Variants in GOLGA4 observed in about 807,000 individuals in gnomAD.
GOLGA4 encodes the protein golgin subfamily A member 4.
Under a neutral mutation model 265.9 loss-of-function variants are expected in GOLGA4, and 169 were observed. The observed-to-expected ratio is 0.64, with a 90% CI of 0.56 to 0.72. The LOEUF (loss-of-function observed/expected upper bound fraction) is 0.72. Among genes scored for constraint, GOLGA4 ranks in the 30% least tolerant of loss-of-function variants. The probability of loss-of-function intolerance (pLI) is 0.00; values close to 1 mark genes in which losing one functional copy is unlikely to be tolerated. For synonymous variants in GOLGA4, 923 were observed against 855.8 expected (o/e 1.08, Z -1.37); for missense variants, 2,482 against 2,483.4 (o/e 1.00, Z 0.01).
chr3:37,273,129 T>C (rs2096803390), intron 2 of GOLGA4, among the ~76,000 whole-genome samples: 1 of 152,358 alleles, frequency 6.6e-6, no homozygotes, highest in Middle Eastern at 3.4e-3. Context: ...CCAAATAATT[T>C]TGAGTATTAT....
intron 18 of GOLGA4, 116 bp from the exon 19 acceptor site, chr3:37,337,550 C>G (rs751990259): frequency 4.3e-6 from 3 of 691,886 alleles, no homozygotes; most frequent in South Asian, 1.7e-5. Context: ...TAGGGGTATT[C>G]AGTGTTATAA....
At chr3:37,303,677 C>G (rs2096898913) in intron 10 of GOLGA4, among the ~76,000 whole-genome samples, 1 of 152,150 alleles carries the variant, frequency 6.6e-6, no homozygotes, top group Non-Finnish European at 1.5e-5. Flanking sequence ...GTGGTTAAAT[C>G]TGTAGGAGAG....
Position 37,282,068 on chromosome 3 carries a change from G to A in GOLGA4, c.273G>A (p.Glu91=). The A allele has an allele frequency of 1.2e-6, 2 of 1,614,102 alleles. No homozygotes were observed. Among genetic ancestry groups the A allele is most frequent in the South Asian group, 1.1e-5 (1 of 91,078 alleles). The stretch of plus-strand genomic sequence containing the variant: ...CTCTATTCCGGTCTTCTTCTAAAGA[G>A]TCTTTGGTACGAACATCTTCCAGAG... The part of the protein sequence containing the change: ...KESLFRSSSK[E]SLVRTSSRES... Residue 91 remains glutamate (E), a synonymous_variant, in exon 3 of 24, where the codon GAG becomes GAA. Transcript: ENST00000361924.
chr3:37,272,574 T>C (rs2096801647), intron 2 of GOLGA4, among the ~76,000 whole-genome samples: 1 of 152,168 alleles, frequency 6.6e-6, no homozygotes, highest in Admixed American at 6.5e-5. Context: ...CACAATATTA[T>C]TTATCACACC....
chr3:37,334,077 A>AT (rs946009389), intron 16 of GOLGA4, among the ~76,000 whole-genome samples: 1 of 152,210 alleles, frequency 6.6e-6, no homozygotes. Flanking sequence ...TCCAAATATT[A>AT]TTTTAGCACA....
intron 11 of GOLGA4, among the ~76,000 whole-genome samples, chr3:37,318,002 C>T (rs1213507632): frequency 2.0e-5 from 3 of 150,026 alleles, no homozygotes; most frequent in Admixed American, 6.6e-5. Flanking sequence ...AACACATGTT[C>T]GGTCCTGAGA....
chr3:37,332,480 C>T (rs1404079938), intron 16 of GOLGA4, among the ~76,000 whole-genome samples: 1 of 151,902 alleles, frequency 6.6e-6, no homozygotes, highest in Non-Finnish European at 1.5e-5. Context: ...GCATTCCAGC[C>T]TGGGTGGCAG....
intron 7 of GOLGA4, 63 bp downstream of exon 7, chr3:37,296,282 A>G: frequency 6.5e-7 from 1 of 1,535,262 alleles, no homozygotes; most frequent in Non-Finnish European, 9.0e-7. Context: ...TCCTTGGCTT[A>G]CACCTTTAAT....
Position 37,366,461 on chromosome 3 carries a change from T to A in GOLGA4, c.*415T>A. ...AAGACTTGTGCAATACATTTTGAGGTGAAACTTAGTGGATTTTTTCTGATA... is the reference window on the plus strand; with the variant it reads ...AAGACTTGTGCAATACATTTTGAGGAGAAACTTAGTGGATTTTTTCTGATA... On this transcript the variant is annotated 3_prime_UTR_variant, in exon 24 of 24. Transcript: ENST00000361924. 1 of 204,746 alleles carries A rather than the reference T, an allele frequency of 4.9e-6. No individual in the cohort carries two copies. 12.7% of individuals were successfully genotyped at this position (204,746 alleles called of 1,614,324 possible).
intron 10 of GOLGA4, among the ~76,000 whole-genome samples, chr3:37,313,965 AT>A (rs747977743): frequency 0.01 from 1,445 of 143,220 alleles, 6 homozygotes; most frequent in Middle Eastern, 0.014. Flanking sequence ...ACACACATGT[AT>A]TTTTTTTTTT....
rs759053362 is a variant in GOLGA4, at chr3:37,324,502, A to G, written c.2616A>G (p.Lys872=). Reference sequence around the variant, plus strand: ...AGGACTTAATGCAGCAACTTGAAAAACAAAATAGTGAAATGGAGCAAAAAG... The same window carrying G: ...AGGACTTAATGCAGCAACTTGAAAAGCAAAATAGTGAAATGGAGCAAAAAG... ...QVQDLMQQLE[K]QNSEMEQKVK... Residue 872 remains lysine, a synonymous_variant, in exon 14 of 24, where the codon AAA becomes AAG. Transcript: ENST00000361924. The G allele has an allele frequency of 1.9e-6, 3 of 1,614,040 alleles. No homozygotes were observed. The Admixed American group carries it at 5.0e-5, about 27-fold the overall frequency.
intron 2 of GOLGA4, chr3:37,266,859 A>C (rs906378248): frequency 7.8e-7 from 1 of 1,283,920 alleles, no homozygotes; most frequent in Non-Finnish European, 1.0e-6. Flanking sequence ...CCGGGATGAT[A>C]GCAGAGCCTG....
At chr3:37,265,751 T>A (rs919772127) in intron 2 of GOLGA4, among the ~76,000 whole-genome samples, 1 of 152,028 alleles carries the variant, frequency 6.6e-6, no homozygotes, top group Non-Finnish European at 1.5e-5. Context: ...TTCTAGAAAA[T>A]TTTAGGCCGG....
chr3:37,285,985 G>T, intron 3 of GOLGA4, 29 bp from the exon 4 acceptor site: 3 of 1,353,424 alleles, frequency 2.2e-6, no homozygotes. Context: ...ATTTAGGAAT[G>T]ACTAATGTTG....
rs993336183 is a variant in GOLGA4 at position 37,360,230 on chromosome 3, A to C, written c.6664-1013A>C. 2.0e-5 allele frequency among the ~76,000 whole-genome samples: 3 copies of C among 152,258 alleles called. No individual in the cohort carries two copies. In the East Asian group the frequency reaches 5.8e-4, roughly 29 times the overall value. ...TTCCACCTTATTACAAATTGGTCTC[A>C]TTCTTTTCAATGGCTGATTGTATGA... On this transcript the variant is annotated intron_variant, in intron 22 of 23. Coordinates refer to ENST00000361924, the MANE Select transcript of GOLGA4 (RefSeq NM_002078.5).
In GOLGA4 at chr3:37,347,368, T is replaced by G. The variant is rs187525450; in HGVS notation, c.6576+72T>G. The stretch of plus-strand genomic sequence containing the variant: ...AAATATGTTCCACTTTTAATACACA[T>G]GTGAATGCCATATGTTTACTATTAG... On this transcript the variant is annotated intron_variant, in intron 21 of 23. Transcript: ENST00000361924. 7 of 806,304 alleles carry G rather than the reference T, an allele frequency of 8.7e-6. No individual in the cohort carries two copies. In the Admixed American group the frequency reaches 1.1e-4, roughly 13 times the overall value. The allele number at this position is 806,304 out of a possible 1,614,324, so 49.9% of individuals were successfully genotyped here. A position where few individuals can be genotyped will look rare whatever the true frequency, so the allele number is the denominator to read the frequency against.
chr3:37,267,376 G>C lies in GOLGA4; in HGVS notation c.163-14582G>C, dbSNP rs78822658. On this transcript the variant is annotated intron_variant, in intron 2 of 23. Coordinates refer to ENST00000361924, the MANE Select transcript of GOLGA4 (RefSeq NM_002078.5). ...TGTAAATCCATAATTAAACAGCATT[G>C]AATAGGTAGGTAGATTCTACTGTAT... Among the ~76,000 whole-genome samples, 922 of 152,290 alleles carry C rather than the reference G, an allele frequency of 6.1e-3. 12 individuals carry two copies. The highest frequency in any genetic ancestry group is 0.021 in the African/African-American group (887 of 41,562).
chr3:37,310,577 T>TA (rs1157245810), intron 10 of GOLGA4, among the ~76,000 whole-genome samples: 1 of 152,210 alleles, frequency 6.6e-6, no homozygotes, highest in Non-Finnish European at 1.5e-5. Flanking sequence ...TGTCCATTTT[T>TA]ATAATTCCCA....
chr3:37,284,522 G>A (rs2096843081), intron 3 of GOLGA4, among the ~76,000 whole-genome samples: 1 of 152,024 alleles, frequency 6.6e-6, no homozygotes, highest in Non-Finnish European at 1.5e-5. Flanking sequence ...AGAGTGCTGA[G>A]ATTACAGGCG....
Sources: allele counts gnomAD v4.1 joint callset (sites outside exome capture counted in the v4.1 genomes callset), GRCh38; gene constraint gnomAD v4.1.1; transcripts MANE v1.5; gene names NCBI Gene and HGNC (gene_info 2026-07-23, HGNC 2026-07-21).